Variants in ZNF780A observed in about 807,000 individuals in gnomAD.
ZNF780A encodes the protein zinc finger protein 780A.
ZNF780A carries 40 observed loss-of-function variants against 56.7 expected under a neutral mutation model. That is an observed-to-expected ratio of 0.71 (90% CI 0.55 to 0.92). The LOEUF is 0.92. Among genes scored for constraint, ZNF780A ranks in the 40% least tolerant of loss-of-function variants. ZNF780A has a pLI of 0.00. For synonymous variants in ZNF780A, 231 were observed against 248.3 expected, an observed-to-expected ratio of 0.93 and a Z score of 0.66; for missense variants, 672 against 783.3, an observed-to-expected ratio of 0.86 and a Z score of 1.70.
At chr19:40,072,894 T>G (rs1386888450), downstream of ZNF780A, 9 of 1,550,014 alleles carry the variant, frequency 5.8e-6, no homozygotes, top group African/African-American at 6.9e-5. Flanking sequence ...TAAAGAGAGA[T>G]AACCAAATGC....
intron 2 of ZNF780A, among the ~76,000 whole-genome samples, chr19:40,088,540 C>A (rs983211027): frequency 1.4e-4 from 21 of 152,168 alleles, no homozygotes; most frequent in African/African-American, 5.1e-4. Context: ...CGCTTACACA[C>A]TGTGGGTGAG....
chr19:40,085,190 T>C (rs7258627), intron 2 of ZNF780A: 45,522 of 985,338 alleles, frequency 0.046, 2,246 homozygotes, highest in African/African-American at 0.21. Context: ...GAGAAGGGAT[T>C]GCATCATCCA....
chr19:40,081,726 G>T, intron 5 of ZNF780A, 93 bp downstream of exon 5: 1 of 1,112,278 alleles, frequency 9.0e-7, no homozygotes, highest in Non-Finnish European at 1.3e-6. Context: ...ACTGAAGAAA[G>T]CTTTTCAAAC....
intron 2 of ZNF780A, among the ~76,000 whole-genome samples, chr19:40,087,844 A>G (rs1333693499): frequency 6.6e-6 from 1 of 152,210 alleles, no homozygotes; most frequent in African/African-American, 2.4e-5. Context: ...AGAGAGGCCC[A>G]GAATAAATCC....
intron 5 of ZNF780A, among the ~76,000 whole-genome samples, chr19:40,079,085 G>A (rs918553307): frequency 1.3e-5 from 2 of 152,032 alleles, no homozygotes; most frequent in Non-Finnish European, 2.9e-5. Context: ...ATTATATGCT[G>A]CCAACAGACT....
Position 40,075,446 on chromosome 19 carries a change from G to C in ZNF780A, c.996C>G (p.Pro332=), listed in dbSNP as rs1261220864. The C allele has an allele frequency of 1.2e-6, 2 of 1,613,258 alleles. No individual in the cohort carries two copies. Among genetic ancestry groups the C allele is most frequent in the East Asian group, 4.5e-5 (2 of 44,800 alleles). The part of the protein sequence containing the change: ...EHCQIHTGEK[P]FECKECGKAF... ...CCTTTCCACATTCTTTACATTCAAAGGGTTTCTCACCAGTATGAATTTGGC... is the reference window on the plus strand; with the variant it reads ...CCTTTCCACATTCTTTACATTCAAACGGTTTCTCACCAGTATGAATTTGGC... The change falls in exon 6 of 6, where the codon CCC becomes CCG. Residue 332 remains proline (P), a synonymous_variant. Coordinates refer to ENST00000683561, the MANE Select transcript of ZNF780A (RefSeq NM_001142578.2).
At chr19:40,072,908 G>C, downstream of ZNF780A, 2 of 1,550,500 alleles carry the variant, frequency 1.3e-6, no homozygotes, top group Non-Finnish European at 1.7e-6. Context: ...CAAATGCAAT[G>C]CAGATTCTGC....
chr19:40,087,571 G>A, intron 2 of ZNF780A, among the ~76,000 whole-genome samples: 1 of 151,940 alleles, frequency 6.6e-6, no homozygotes, highest in Non-Finnish European at 1.5e-5. Context: ...AAGAGCTTTT[G>A]GTCCCTGAGA....
Position 40,076,116 on chromosome 19 carries a change from G to T in ZNF780A, c.326C>A (p.Thr109Lys). 2 of 1,611,664 alleles carry T rather than the reference G, an allele frequency of 1.2e-6. No individual in the cohort carries two copies. Among genetic ancestry groups the T allele is most frequent in the Non-Finnish European group, 8.5e-7 (1 of 1,179,424 alleles). Reference sequence around the variant, plus strand: ...ATAAAAGGCCTCAATGCCAAGAGTTGTACTTATTTGCTTTATAACCTGTTT... The same window carrying T: ...ATAAAAGGCCTCAATGCCAAGAGTTTTACTTATTTGCTTTATAACCTGTTT... ...LPKQVIKQIS[T>K]TLGIEAFYFR... Residue 109 changes from threonine to lysine, a missense_variant, in exon 6 of 6, where the codon ACA becomes AAA. Coordinates refer to ENST00000683561, the MANE Select transcript of ZNF780A (RefSeq NM_001142578.2).
Position 40,074,405 on chromosome 19 carries a change from A to G in ZNF780A, c.*111T>C, listed in dbSNP as rs530286563. 1 of 1,551,434 alleles carries G rather than the reference A, an allele frequency of 6.4e-7. No homozygotes were observed. The highest frequency in any genetic ancestry group is 8.7e-7 in the Non-Finnish European group (1 of 1,153,118). ...ATGCTGAATAACGTTTGAACCACAA[A>G]TGAAGCCTTTCCCACACCCCTTACA... On this transcript the variant is annotated 3_prime_UTR_variant, in exon 6 of 6. Coordinates refer to ENST00000683561, the MANE Select transcript of ZNF780A (RefSeq NM_001142578.2).
At chr19:40,086,891 C>G (rs558052644) in intron 2 of ZNF780A, among the ~76,000 whole-genome samples, 1 of 152,094 alleles carries the variant, frequency 6.6e-6, no homozygotes, top group South Asian at 2.1e-4. Context: ...TTAGTAGAGA[C>G]AAGGTTTCAC....
In ZNF780A at chr19:40,075,942, C is replaced by T; in HGVS notation, c.500G>A (p.Cys167Tyr). ...ACTAAAGTATTTCCCACATTCCTTA[C>T]ATTCATACGGTTTATGTGTATTGCA... ...LICNTHKPYE[C>Y]KECGKYFSRS... The change falls in exon 6 of 6, where the codon TGT becomes TAT. Residue 167 changes from cysteine (C) to tyrosine (Y), a missense_variant. Transcript: ENST00000683561. The T allele has an allele frequency of 1.2e-6, 2 of 1,614,034 alleles. No homozygotes were observed. Among genetic ancestry groups the T allele is most frequent in the Non-Finnish European group, 1.7e-6 (2 of 1,179,938 alleles).
chr19:40,088,870 T>G (rs1400475606), intron 2 of ZNF780A, among the ~76,000 whole-genome samples: 1 of 152,180 alleles, frequency 6.6e-6, no homozygotes, highest in Non-Finnish European at 1.5e-5. Flanking sequence ...AAAACATGGA[T>G]GAACCTGGAG....
intron 3 of ZNF780A, among the ~76,000 whole-genome samples, chr19:40,084,506 TGAGCACA>T (rs1974670493): frequency 6.6e-6 from 1 of 152,164 alleles, no homozygotes; most frequent in South Asian, 2.1e-4. Context: ...GACCAAGGTC[TGAGCACA>T]GAGCACAGAC....
chr19:40,081,460 C>T (rs909305111), intron 5 of ZNF780A, among the ~76,000 whole-genome samples: 1 of 150,946 alleles, frequency 6.6e-6, no homozygotes, highest in African/African-American at 2.4e-5. Context: ...TTGAACCCAA[C>T]AGACAGAGGT....
intron 2 of ZNF780A, chr19:40,089,126 TAATAAC>T (rs1343736454): frequency 9.7e-6 from 8 of 821,238 alleles, no homozygotes; most frequent in Non-Finnish European, 1.0e-5. Flanking sequence ...TATCTCCAAT[TAATAAC>T]AATATTCTGT....
chr19:40,075,521 A>G lies in ZNF780A; in HGVS notation c.921T>C (p.Cys307=). The G allele has an allele frequency of 6.2e-7, 1 of 1,613,130 alleles. No homozygotes were observed. Among genetic ancestry groups the G allele is most frequent in the African/African-American group, 1.3e-5 (1 of 74,668 alleles). Residue 307 remains cysteine, a synonymous_variant, in exon 6 of 6, where the codon TGT becomes TGC. Coordinates refer to ENST00000683561, the MANE Select transcript of ZNF780A (RefSeq NM_001142578.2). ...KIHSNEKPFV[C]KECGMAFRYH... ...ATCGAAAGGCCATCCCACATTCCTT[A>G]CATACAAAGGGTTTCTCATTGGAAT...
rs779844112 is a variant in ZNF780A, at chr19:40,075,915, C to T, written c.527G>A (p.Arg176His). 5.3e-5 allele frequency: 86 copies of T among 1,613,926 alleles called. 1 individual carries two copies. The South Asian group carries it at 6.7e-4, about 13-fold the overall frequency. The change falls in exon 6 of 6, where the codon CGT (arginine) becomes CAT (histidine). Residue 176 changes from arginine (R) to histidine (H), a missense_variant. Coordinates refer to ENST00000683561, the MANE Select transcript of ZNF780A (RefSeq NM_001142578.2). Reference protein sequence around the residue: ...ECKECGKYFSRSANLIQHQSI... With the variant: ...ECKECGKYFSHSANLIQHQSI... Reference sequence around the variant, plus strand: ...CTGATGCTGAATAAGATTTGCACTACGACTAAAGTATTTCCCACATTCCTT... The same window carrying T: ...CTGATGCTGAATAAGATTTGCACTATGACTAAAGTATTTCCCACATTCCTT...
At position 40,076,659 on chromosome 19, in the gene ZNF780A, C is replaced by G. The variant is rs747183438; in HGVS notation, c.233-450G>C. On this transcript the variant is annotated intron_variant, in intron 5 of 5. Coordinates refer to ENST00000683561, the MANE Select transcript of ZNF780A (RefSeq NM_001142578.2). ...GCCAGGGGCCTGGGGATCACCCCAC[C>G]CCTGCTTACCACAAGAACCAGCACG... Among the ~76,000 whole-genome samples, 10 of 152,146 alleles carry G rather than the reference C, an allele frequency of 6.6e-5. No homozygotes were observed. The South Asian group carries it at 2.1e-3, about 32-fold the overall frequency.
Sources: gnomAD v4.1 joint callset for allele counts (sites outside exome capture counted in the v4.1 genomes callset) on GRCh38, gnomAD v4.1.1 for gene constraint, MANE v1.5 for transcripts, NCBI Gene and HGNC (gene_info 2026-07-23, HGNC 2026-07-21) for gene names.